Variants in XKR6 observed in about 807,000 individuals in gnomAD.
XKR6 encodes XK related 6, also known as XK-related protein 6.
In XKR6, 22 loss-of-function variants were observed where a neutral mutation model predicts 56.7. That is an observed-to-expected ratio of 0.39 (90% CI 0.28 to 0.55). The LOEUF is 0.55. XKR6 is among the 20% of genes least tolerant of loss of function. The pLI, the probability that XKR6 is intolerant of heterozygous loss-of-function variation, is 0.66. For synonymous variants in XKR6, 524 were observed against 387.8 expected (o/e 1.35, Z -4.13); for missense variants, 852 against 889.0 (o/e 0.96, Z 0.53).
intron 1 of XKR6, among the ~76,000 whole-genome samples, chr8:10,978,542 G>A (rs1249025616): frequency 6.6e-6 from 1 of 152,170 alleles, no homozygotes; most frequent in Non-Finnish European, 1.5e-5. Flanking sequence ...CTTTTTATTA[G>A]GGTCTCGTGC....
rs894526910 is a variant in XKR6 at position 10,981,339 on chromosome 8, G to A, written c.765-56509C>T. On this transcript the variant is annotated intron_variant, in intron 1 of 2. Transcript: ENST00000416569. ...CCATGTGTTTTCGGATGCACTGCAC[G>A]TTCCAGGTGAGGCCCATGGAGGCCT... is the stretch of plus-strand genomic sequence containing the variant. Among the ~76,000 whole-genome samples the A allele has an allele frequency of 2.6e-5, 4 of 152,194 alleles. No individual in the cohort carries two copies. In the East Asian group the frequency reaches 7.7e-4, roughly 29 times the overall value.
At chr8:11,195,499 T>C (rs1489682416) in intron 1 of XKR6, among the ~76,000 whole-genome samples, 1 of 152,228 alleles carries the variant, frequency 6.6e-6, no homozygotes, top group Admixed American at 6.5e-5. Flanking sequence ...TCTCTGCACA[T>C]TGGTCTAATT....
At chr8:10,983,279 T>A (rs1797777128) in intron 1 of XKR6, among the ~76,000 whole-genome samples, 1 of 152,054 alleles carries the variant, frequency 6.6e-6, no homozygotes, top group South Asian at 2.1e-4. Context: ...TTAGTTAACA[T>A]CATCAAGAAA....
At chr8:11,090,884 T>C (rs560365066) in intron 1 of XKR6, among the ~76,000 whole-genome samples, 2 of 146,086 alleles carry the variant, frequency 1.4e-5, no homozygotes, top group South Asian at 4.3e-4. Context: ...GTTTTATTCC[T>C]AACTATAATT....
intron 2 of XKR6, among the ~76,000 whole-genome samples, chr8:10,904,706 A>G (rs76737777): frequency 0.015 from 2,301 of 152,268 alleles, 27 homozygotes; most frequent in Non-Finnish European, 0.023. Flanking sequence ...CACATCTCCA[A>G]TAAGGGAACC....
chr8:11,068,713 C>A (rs1436957901), intron 1 of XKR6, among the ~76,000 whole-genome samples: 1 of 152,212 alleles, frequency 6.6e-6, no homozygotes, highest in Non-Finnish European at 1.5e-5. Flanking sequence ...CCCAGGAACA[C>A]AGGCTCCTAC....
chr8:11,013,284 C>T (rs1344787589), intron 1 of XKR6, among the ~76,000 whole-genome samples: 3 of 152,146 alleles, frequency 2.0e-5, no homozygotes, highest in African/African-American at 7.2e-5. Flanking sequence ...TGACCTTCAC[C>T]ACCATGTGGT....
chr8:11,158,204 G>A (rs1160425251), intron 1 of XKR6, among the ~76,000 whole-genome samples: 1 of 152,182 alleles, frequency 6.6e-6, no homozygotes, highest in Non-Finnish European at 1.5e-5. Context: ...GGGAAATACA[G>A]TGTGCAATGG....
chr8:11,117,164 T>A (rs970430490), intron 1 of XKR6, among the ~76,000 whole-genome samples: 3 of 152,228 alleles, frequency 2.0e-5, no homozygotes, highest in Non-Finnish European at 2.9e-5. Context: ...GTTTCCTTAG[T>A]TTAGACTGAA....
intron 1 of XKR6, among the ~76,000 whole-genome samples, chr8:10,981,899 T>C (rs1404675773): frequency 6.6e-6 from 1 of 152,250 alleles, no homozygotes; most frequent in Non-Finnish European, 1.5e-5. Flanking sequence ...GTGCTTTCAT[T>C]CCAAAGGCTA....
intron 1 of XKR6, among the ~76,000 whole-genome samples, chr8:11,187,338 T>C (rs1163258531): frequency 1.3e-5 from 2 of 152,178 alleles, no homozygotes; most frequent in Non-Finnish European, 2.9e-5. Context: ...TGAAACACTA[T>C]AGGATATCTC....
chr8:11,098,330 G>C (rs951845059), intron 1 of XKR6, among the ~76,000 whole-genome samples: 14 of 152,214 alleles, frequency 9.2e-5, no homozygotes, highest in South Asian at 4.2e-4. Flanking sequence ...CTGGAGGCCT[G>C]TCAATCCTGG....
At chr8:11,018,835 G>C (rs560842791) in intron 1 of XKR6, among the ~76,000 whole-genome samples, 1 of 151,976 alleles carries the variant, frequency 6.6e-6, no homozygotes, top group African/African-American at 2.4e-5. Flanking sequence ...TCTACCTAGC[G>C]ACCTGCCTTG....
intron 1 of XKR6, among the ~76,000 whole-genome samples, chr8:10,995,844 G>A (rs1288023009): frequency 6.6e-6 from 1 of 152,182 alleles, no homozygotes; most frequent in Non-Finnish European, 1.5e-5. Context: ...AATGTGAGAG[G>A]GCAATCCTTC....
intron 1 of XKR6, among the ~76,000 whole-genome samples, chr8:10,978,899 C>G (rs1415938585): frequency 1.3e-5 from 2 of 152,222 alleles, no homozygotes; most frequent in African/African-American, 4.8e-5. Context: ...CCAGGCCTCC[C>G]AGATGTCATC....
intron 1 of XKR6, among the ~76,000 whole-genome samples, chr8:10,977,263 T>A (rs910088509): frequency 2.6e-5 from 4 of 152,068 alleles, no homozygotes; most frequent in African/African-American, 9.7e-5. Flanking sequence ...ATGGAGATTT[T>A]CAATAGCAAA....
At chr8:10,942,395 C>A (rs914695547) in intron 1 of XKR6, among the ~76,000 whole-genome samples, 1 of 152,228 alleles carries the variant, frequency 6.6e-6, no homozygotes, top group Non-Finnish European at 1.5e-5. Flanking sequence ...CCGCCACGGC[C>A]CTGAGTCCAC....
rs151278821 is a variant in XKR6, at chr8:11,128,076, G to A, written c.764+72500C>T. Among the ~76,000 whole-genome samples the A allele has an allele frequency of 5.9e-5, 9 of 152,242 alleles. No individual in the cohort carries two copies. The East Asian group carries it at 9.6e-4, about 16-fold the overall frequency. Reference sequence around the variant, plus strand: ...AGAGTTAAGCCATCAAAATCTTTACGGCTTTACCAATTAATACGGGACTAA... The same window carrying A: ...AGAGTTAAGCCATCAAAATCTTTACAGCTTTACCAATTAATACGGGACTAA... On this transcript the variant is annotated intron_variant, in intron 1 of 2. Transcript: ENST00000416569.
Position 10,898,327 on chromosome 8 carries a change from G to C in XKR6, c.1551C>G (p.Leu517=), listed in dbSNP as rs367810172. The C allele has an allele frequency of 3.3e-5, 54 of 1,613,884 alleles. No homozygotes were observed. The highest frequency in any genetic ancestry group is 4.1e-5 in the Non-Finnish European group (48 of 1,179,902). ...ILASSCCAEL[L]WGIPLPPDVE... ...CATCGGGGGGCAAAGGGATGCCCCA[G>C]AGCAGCTCGGCACAACAGGAGCTGG... The change falls in exon 3 of 3, where the codon CTC becomes CTG. Residue 517 remains leucine (L), a synonymous_variant. Transcript: ENST00000416569. The surrounding 1 kb of genome is among the most constrained non-coding windows in gnomAD (Gnocchi z 6.6).
Sources: allele counts gnomAD v4.1 joint callset (sites outside exome capture counted in the v4.1 genomes callset), GRCh38; gene constraint gnomAD v4.1.1; non-coding constraint Gnocchi (gnomAD v3.1); transcripts MANE v1.5; gene names NCBI Gene and HGNC (gene_info 2026-07-23, HGNC 2026-07-21).